The following RGS6 variants were observed in gnomAD, a reference collection of about 807,000 sequenced individuals.
RGS6 encodes regulator of G-protein signaling 6.
Under a neutral mutation model 78.5 loss-of-function variants are expected in RGS6, and 30 were observed. The ratio of observed to expected loss-of-function variants is 0.38; its 90% CI spans 0.29 to 0.52. The LOEUF (loss-of-function observed/expected upper bound fraction) is 0.52. Among genes scored for constraint, RGS6 ranks in the 20% least tolerant of loss-of-function variants. The probability of loss-of-function intolerance (pLI) is 0.85; values close to 1 mark genes in which losing one functional copy is unlikely to be tolerated. For missense variants in RGS6, 495 were observed against 609.7 expected (o/e 0.81, Z 1.98); for synonymous variants, 206 against 206.0 (o/e 1.00, Z 0.00).
rs187692459 is a variant in RGS6, at chr14:72,276,327, C to T, written c.85-75768C>T. Among the ~76,000 whole-genome samples the T allele has an allele frequency of 1.3e-3, 200 of 152,212 alleles. 3 individuals carry two copies. The highest frequency in any genetic ancestry group is 6.8e-3 in the Middle Eastern group (2 of 294). Reference sequence around the variant, plus strand: ...TGTATTCTCAATGGGGGCAATGTAGCCCCCTAAGGGAGCCAAAATTGGTTC... The same window carrying T: ...TGTATTCTCAATGGGGGCAATGTAGTCCCCTAAGGGAGCCAAAATTGGTTC... On this transcript the variant is annotated intron_variant, in intron 2 of 17. Coordinates refer to ENST00000553525, the MANE Select transcript of RGS6 (RefSeq NM_001204424.2).
chr14:72,227,213 TTGATAA>T (rs2048332655), intron 2 of RGS6, among the ~76,000 whole-genome samples: 1 of 152,234 alleles, frequency 6.6e-6, no homozygotes, highest in South Asian at 2.1e-4. Context: ...TCACTTTATT[TTGATAA>T]TAGGAGATTT....
intron 2 of RGS6, among the ~76,000 whole-genome samples, chr14:72,120,448 A>G (rs527377351): frequency 2.5e-4 from 38 of 152,344 alleles, no homozygotes; most frequent in South Asian, 1.7e-3. Context: ...GCACAAAATC[A>G]TGGAACAACC....
chr14:72,304,754 C>T (rs1165641689), intron 2 of RGS6, among the ~76,000 whole-genome samples: 3 of 152,052 alleles, frequency 2.0e-5, no homozygotes, highest in African/African-American at 4.8e-5. Context: ...TGGCATGTGT[C>T]TGTGGTCCCA....
At chr14:71,869,277 T>C in the RGS6 span, among the ~76,000 whole-genome samples, 3 of 152,184 alleles carry the variant, frequency 2.0e-5, no homozygotes, top group Admixed American at 6.5e-5. Flanking sequence ...TGCTAGCAGC[T>C]AGAGATGAGC....
intron 2 of RGS6, among the ~76,000 whole-genome samples, chr14:72,313,422 A>G (rs1595679206): frequency 6.6e-6 from 1 of 152,162 alleles, no homozygotes; most frequent in African/African-American, 2.4e-5. Context: ...CTTAGTGGGC[A>G]CTCAGTAGAG....
intron 2 of RGS6, among the ~76,000 whole-genome samples, chr14:72,093,448 C>T (rs1488794250): frequency 1.3e-5 from 2 of 152,136 alleles, no homozygotes; most frequent in Admixed American, 1.3e-4. Context: ...TTTCACATGT[C>T]GACCAGGGTG....
At chr14:72,056,226 C>G (rs560236170) in intron 2 of RGS6, among the ~76,000 whole-genome samples, 1 of 152,290 alleles carries the variant, frequency 6.6e-6, no homozygotes, top group African/African-American at 2.4e-5. Flanking sequence ...GAAGCCTGCG[C>G]CGTGTCACAG....
intron 2 of RGS6, among the ~76,000 whole-genome samples, chr14:72,044,698 C>CTAAAAATACA (rs2092695499): frequency 6.6e-6 from 1 of 151,982 alleles, no homozygotes; most frequent in Non-Finnish European, 1.5e-5. Context: ...TGGTGAGACT[C>CTAAAAATACA]TGTCTCTACT....
At chr14:72,204,253 T>C (rs2042229050) in intron 2 of RGS6, among the ~76,000 whole-genome samples, 1 of 152,354 alleles carries the variant, frequency 6.6e-6, no homozygotes, top group South Asian at 2.1e-4. Context: ...ACAGTGTTTT[T>C]GCAACCTAAT....
chr14:72,626,604 G>T, the RGS6 span, among the ~76,000 whole-genome samples: 1 of 152,116 alleles, frequency 6.6e-6, no homozygotes, highest in African/African-American at 2.4e-5. Flanking sequence ...TATTTAGGTT[G>T]TTTCCAATAT....
At chr14:72,382,767 G>C (rs910347951) in intron 3 of RGS6, among the ~76,000 whole-genome samples, 3 of 152,164 alleles carry the variant, frequency 2.0e-5, no homozygotes, top group African/African-American at 7.2e-5. Flanking sequence ...TTAGCTATAG[G>C]CTTTAACAAG....
chr14:72,494,163 T>G (rs1447803629), intron 12 of RGS6, among the ~76,000 whole-genome samples: 1 of 152,234 alleles, frequency 6.6e-6, no homozygotes, highest in Non-Finnish European at 1.5e-5. Flanking sequence ...AAAAAATGAT[T>G]GCTAGATGTT....
At chr14:72,161,151 A>C (rs998055565) in intron 2 of RGS6, among the ~76,000 whole-genome samples, 8 of 152,192 alleles carry the variant, frequency 5.3e-5, no homozygotes, top group African/African-American at 1.7e-4. Context: ...ACAGAAAACC[A>C]AACACCGCAT....
At chr14:72,269,079 G>C (rs947126712) in intron 2 of RGS6, among the ~76,000 whole-genome samples, 1 of 152,118 alleles carries the variant, frequency 6.6e-6, no homozygotes, top group African/African-American at 2.4e-5. Context: ...TTTTAATCCA[G>C]CAATAAATCC....
intron 2 of RGS6, among the ~76,000 whole-genome samples, chr14:72,058,050 C>T (rs949396889): frequency 2.0e-5 from 3 of 151,168 alleles, no homozygotes; most frequent in Non-Finnish European, 2.9e-5. Flanking sequence ...GTGATGCTGG[C>T]TATCATATTG....
chr14:72,536,176 T>C lies in RGS6; in HGVS notation c.1279-10T>C. ...CCTTCCTTGTGTCTCCTTGTCACCT[T>C]CCTCCCCAGGAGCACATCTACAAGC... On this transcript the variant is annotated splice_polypyrimidine_tract_variant and intron_variant, in intron 15 of 17. Transcript: ENST00000553525. 2 of 1,608,668 alleles carry C rather than the reference T, an allele frequency of 1.2e-6. No homozygotes were observed. Among genetic ancestry groups the C allele is most frequent in the Non-Finnish European group, 1.7e-6 (2 of 1,175,270 alleles).
intron 15 of RGS6, among the ~76,000 whole-genome samples, chr14:72,535,065 A>G (rs1334462450): frequency 1.3e-5 from 2 of 152,244 alleles, no homozygotes; most frequent in African/African-American, 4.8e-5. Flanking sequence ...ACTTCAATGG[A>G]TAAATAATCT....
At chr14:72,452,596 G>A (rs971862727) in intron 3 of RGS6, among the ~76,000 whole-genome samples, 6 of 152,208 alleles carry the variant, frequency 3.9e-5, no homozygotes, top group Non-Finnish European at 8.8e-5. Context: ...CCCCTCTGCT[G>A]GATCCCCAGG....
At chr14:72,145,158 C>A (rs932030679) in intron 2 of RGS6, among the ~76,000 whole-genome samples, 1 of 152,088 alleles carries the variant, frequency 6.6e-6, no homozygotes, top group African/African-American at 2.4e-5. Flanking sequence ...TTAGGTTTTA[C>A]AATAGTGATG....
Sources: gnomAD v4.1 joint callset for allele counts (sites outside exome capture counted in the v4.1 genomes callset) on GRCh38, gnomAD v4.1.1 for gene constraint, MANE v1.5 for transcripts, NCBI Gene and HGNC (gene_info 2026-07-23, HGNC 2026-07-21) for gene names.